The following MAP3K7CL variants were observed in gnomAD, a reference collection of about 807,000 sequenced individuals.
The protein encoded by MAP3K7CL is MAP3K7 C-terminal like, also known as MAP3K7 C-terminal-like protein.
Under a neutral mutation model 18.6 loss-of-function variants are expected in MAP3K7CL, and 16 were observed. The ratio of observed to expected loss-of-function variants is 0.86; its 90% confidence interval spans 0.58 to 1.31. The LOEUF (loss-of-function observed/expected upper bound fraction) is 1.31. Ranked by LOEUF, MAP3K7CL falls within the 50% of genes most tolerant of loss-of-function variation. The pLI, the probability that MAP3K7CL is intolerant of heterozygous loss-of-function variation, is 0.00. For missense variants in MAP3K7CL, 163 were observed against 174.4 expected (o/e 0.93, Z 0.37); for synonymous variants, 65 against 66.8 (o/e 0.97, Z 0.13).
chr21:29,174,700 C>G lies in MAP3K7CL; in HGVS notation c.249-12C>G. On this transcript the variant is annotated splice_polypyrimidine_tract_variant and intron_variant, in intron 4 of 4. Transcript: ENST00000399928. The stretch of plus-strand genomic sequence containing the variant: ...TCTGTGCTTCTTCCTGCCCTTTACC[C>G]CGAATCTTCAGGAAGGAGCTCATTG... 1 of 1,613,772 alleles carries G rather than the reference C, an allele frequency of 6.2e-7. No individual in the cohort carries two copies. Among genetic ancestry groups the G allele is most frequent in the South Asian group, 1.1e-5 (1 of 91,048 alleles).
upstream of MAP3K7CL, among the ~76,000 whole-genome samples, chr21:29,085,425 G>C (rs576564958): frequency 6.6e-6 from 1 of 151,932 alleles, no homozygotes; most frequent in East Asian, 1.9e-4. Context: ...GTGGTCATTG[G>C]ACATAAAAAG....
chr21:29,136,366 A>G (rs2086885911), intron 2 of MAP3K7CL, among the ~76,000 whole-genome samples: 1 of 152,160 alleles, frequency 6.6e-6, no homozygotes, highest in South Asian at 2.1e-4. Flanking sequence ...AACAAAGGAA[A>G]ACCCCCTAGA....
At chr21:29,157,454 T>G (rs2087434910) in intron 3 of MAP3K7CL, among the ~76,000 whole-genome samples, 1 of 152,208 alleles carries the variant, frequency 6.6e-6, no homozygotes, top group Admixed American at 6.5e-5. Context: ...GAAGGCTTAG[T>G]TTTTAGGATC....
At chr21:29,164,420 G>A (rs184680113) in intron 4 of MAP3K7CL, among the ~76,000 whole-genome samples, 1 of 152,334 alleles carries the variant, frequency 6.6e-6, no homozygotes, top group East Asian at 1.9e-4. Flanking sequence ...GCGTAAGCTA[G>A]ATGCAAAGAG....
intron 1 of MAP3K7CL, among the ~76,000 whole-genome samples, chr21:29,132,153 A>G (rs561486968): frequency 6.6e-6 from 1 of 152,350 alleles, no homozygotes; most frequent in East Asian, 1.9e-4. Flanking sequence ...GATATCATGT[A>G]TTTATAACTA....
At chr21:29,145,322 G>A (rs754215758) in intron 2 of MAP3K7CL, among the ~76,000 whole-genome samples, 24 of 151,844 alleles carry the variant, frequency 1.6e-4, no homozygotes, top group Non-Finnish European at 2.6e-4. Context: ...CTCTTGTACA[G>A]CTACTGTACA....
chr21:29,159,951 C>A lies in MAP3K7CL; in HGVS notation c.143C>A (p.Pro48His), dbSNP rs1291149281. Residue 48 changes from proline to histidine, a missense_variant, in exon 4 of 5, where the codon CCT (proline) becomes CAT (histidine). Transcript: ENST00000399928. ...TTGTTGTTTGTGAAGCCCCTGCCGC[C>A]TTGTCATGACTCCGAGGAATCCATG... ...ELDQQLQPLPPCHDSEESMEV... is the reference protein window; with the variant it reads ...ELDQQLQPLPHCHDSEESMEV... The A allele has an allele frequency of 6.2e-7, 1 of 1,613,556 alleles. No individual in the cohort carries two copies. The highest frequency in any genetic ancestry group is 1.1e-5 in the South Asian group (1 of 91,038).
chr21:29,164,006 A>G (rs1414862736), intron 4 of MAP3K7CL, among the ~76,000 whole-genome samples: 1 of 151,844 alleles, frequency 6.6e-6, no homozygotes, highest in Non-Finnish European at 1.5e-5. Flanking sequence ...GACTGCTAGG[A>G]GGAAAATTGC....
Position 29,092,636 on chromosome 21 carries a change from C to T in MAP3K7CL, c.370+55C>T, listed in dbSNP as rs1325199303. ...TCAGGTTCTGAAGGCTTTTTACACA[C>T]TGCACCATGGGAGCCTAAGGCTGGT... On this transcript the variant is annotated intron_variant, in intron 4 of 6. Transcript: ENST00000286791. The T allele has an allele frequency of 1.2e-5, 20 of 1,600,212 alleles. No homozygotes were observed. The Admixed American group carries it at 2.2e-4, about 17-fold the overall frequency.
At chr21:29,092,658 T>C in intron 4 of MAP3K7CL, 2 of 1,556,702 alleles carry the variant, frequency 1.3e-6, no homozygotes, top group African/African-American at 1.4e-5. Flanking sequence ...AGCCTAAGGC[T>C]GGTTGGGCAG....
Position 29,130,763 on chromosome 21 carries a change from G to C in MAP3K7CL, c.-200G>C. On this transcript the variant is annotated 5_prime_UTR_variant, in exon 1 of 5. Coordinates refer to ENST00000399928, the MANE Select transcript of MAP3K7CL (RefSeq NM_001286620.2). ...GGTCTGGGGCAGAGCAGGTAGCAGCGTGCTGCCCTGACAGCTGTCTCCGCT... is the reference window on the plus strand; with the variant it reads ...GGTCTGGGGCAGAGCAGGTAGCAGCCTGCTGCCCTGACAGCTGTCTCCGCT... The C allele has an allele frequency of 1.0e-6, 1 of 985,534 alleles. No homozygotes were observed. The highest frequency in any genetic ancestry group is 1.2e-6 in the Non-Finnish European group (1 of 830,002). 61.0% of individuals were successfully genotyped at this position (985,534 alleles called of 1,614,324 possible). A position where few individuals can be genotyped will look rare whatever the true frequency, so the allele number is the denominator to read the frequency against.
At chr21:29,116,507 G>A (rs1050053920) in intron 4 of MAP3K7CL, among the ~76,000 whole-genome samples, 6 of 152,050 alleles carry the variant, frequency 3.9e-5, no homozygotes, top group African/African-American at 7.2e-5. Flanking sequence ...GAAAGATCTC[G>A]TTGAAATGAC....
chr21:29,135,670 C>T (rs1380389262), intron 2 of MAP3K7CL, among the ~76,000 whole-genome samples: 1 of 152,200 alleles, frequency 6.6e-6, no homozygotes, highest in Non-Finnish European at 1.5e-5. Context: ...TTTGAACTCT[C>T]TTGGCCCTTG....
chr21:29,155,633 T>C (rs760710211), intron 3 of MAP3K7CL, among the ~76,000 whole-genome samples: 2 of 152,156 alleles, frequency 1.3e-5, no homozygotes, highest in African/African-American at 4.8e-5. Context: ...TCTTACTTCA[T>C]CTTGTTAAAT....
intron 1 of MAP3K7CL, among the ~76,000 whole-genome samples, chr21:29,090,020 A>G (rs1257081076): frequency 6.6e-6 from 1 of 152,168 alleles, no homozygotes; most frequent in Non-Finnish European, 1.5e-5. Context: ...ATACTATTCG[A>G]CCCATTTCCT....
intron 4 of MAP3K7CL, among the ~76,000 whole-genome samples, chr21:29,119,253 T>C (rs1372453956): frequency 6.6e-6 from 1 of 152,256 alleles, no homozygotes; most frequent in African/African-American, 2.4e-5. Flanking sequence ...ATTTTTACTT[T>C]ACAGTAGAGT....
In MAP3K7CL at chr21:29,135,341, C is replaced by T. The variant is rs1042907339; in HGVS notation, c.70+1927C>T. 1.8e-4 allele frequency among the ~76,000 whole-genome samples: 28 copies of T among 152,146 alleles called. 1 individual carries two copies. The highest frequency in any genetic ancestry group is 3.5e-4 in the Non-Finnish European group (24 of 68,026). ...TTGAGTGGCTAGCTCTCAAGACACA[C>T]GCGTGCAAACCCAAAATCCAGAGGG... On this transcript the variant is annotated intron_variant, in intron 2 of 4. Transcript: ENST00000399928.
chr21:29,118,419 G>C (rs1245605766), intron 4 of MAP3K7CL, among the ~76,000 whole-genome samples: 1 of 151,446 alleles, frequency 6.6e-6, no homozygotes, highest in African/African-American at 2.4e-5. Context: ...TTGCATCCCA[G>C]GTTCAATTTA....
rs2087507083 is a variant in MAP3K7CL, at chr21:29,160,038, C to T, written c.230C>T (p.Thr77Ile). The change falls in exon 4 of 5, where the codon ACC becomes ATC. Residue 77 changes from threonine to isoleucine, a missense_variant. Thr to Ile is a moderately conservative substitution (Grantham distance 89). Transcript: ENST00000399928. ...TACCATGAGGTCAAAAAGGAAATCA[C>T]CCTGCTTGAGCAAAGGAAGTAAGTA... ...EEYHEVKKEI[T>I]LLEQRKKELI... 6.2e-7 allele frequency: 1 copy of T among 1,613,762 alleles called. No homozygotes were observed. The highest frequency in any genetic ancestry group is 8.5e-7 in the Non-Finnish European group (1 of 1,179,854).
Sources: gnomAD v4.1 joint callset for allele counts (sites outside exome capture counted in the v4.1 genomes callset) on GRCh38, gnomAD v4.1.1 for gene constraint, MANE v1.5 for transcripts, NCBI Gene and HGNC (gene_info 2026-07-23, HGNC 2026-07-21) for gene names.